Variants in AHCY observed in about 807,000 individuals in gnomAD.
The protein encoded by AHCY is adenosylhomocysteinase.
A neutral mutation model predicts 45.4 loss-of-function variants in AHCY; 24 were observed. That is an observed-to-expected ratio of 0.53 (90% CI 0.38 to 0.74). The LOEUF is 0.74. Ranked by LOEUF, AHCY falls within the 30% of genes least tolerant of loss-of-function variation. The pLI is 0.00. For missense variants in AHCY, 449 were observed against 594.1 expected (o/e 0.76, Z 2.54); for synonymous variants, 245 against 235.1 (o/e 1.04, Z -0.39).
rs2036496157 is a variant in AHCY, at chr20:34,294,145, G to A, written c.231C>T (p.Ser77=). 1.2e-6 allele frequency: 2 copies of A among 1,613,194 alleles called. No individual in the cohort carries two copies. Among genetic ancestry groups the A allele is most frequent in the African/African-American group, 2.7e-5 (2 of 74,908 alleles). ...LVTLGAEVQW[S]SCNIFSTQDH... is the part of the protein sequence containing the mutation. ...CCTGGGTGGAGAAGATGTTGCAGCT[G>A]GACCACTGCACCTAGAAGAGCCATC... The change falls in exon 3 of 10, where the codon TCC becomes TCT. Residue 77 remains serine (S), a synonymous_variant. Transcript: ENST00000217426.
chr20:34,235,786 GAAGAAAGAAAGAAAGAAAGA>G, the AHCY span, among the ~76,000 whole-genome samples: 23 of 61,392 alleles, frequency 3.7e-4, no homozygotes, highest in African/African-American at 5.9e-4. Context: ...CTCTGAGAAA[GAAGAAAGAAAGAAAGAAAGA>G]AAGAAAGAAA....
At chr20:34,247,747 C>G in the AHCY span, among the ~76,000 whole-genome samples, 1 of 152,088 alleles carries the variant, frequency 6.6e-6, no homozygotes, top group Non-Finnish European at 1.5e-5. Context: ...ATAGCTGAAA[C>G]TACCATGCCC....
the AHCY span, among the ~76,000 whole-genome samples, chr20:34,260,106 G>A: frequency 4.2e-4 from 64 of 151,682 alleles, no homozygotes; most frequent in Non-Finnish European, 6.5e-4. Context: ...GCAGAGACCA[G>A]TGCAATGCAT....
At chr20:34,310,516 A>G (rs1031143230) in intron 1 of AHCY, among the ~76,000 whole-genome samples, 3 of 152,228 alleles carry the variant, frequency 2.0e-5, no homozygotes, top group Non-Finnish European at 4.4e-5. Flanking sequence ...GGTAATAACT[A>G]ACAAGATTAC....
chr20:34,307,816 T>A (rs145194996), upstream of AHCY, among the ~76,000 whole-genome samples: 1 of 152,368 alleles, frequency 6.6e-6, no homozygotes, highest in Non-Finnish European at 1.5e-5. Context: ...ACTTTTATTT[T>A]AGTTCAGGGG....
At chr20:34,294,595 G>A (rs750627369) in intron 2 of AHCY, among the ~76,000 whole-genome samples, 9 of 152,114 alleles carry the variant, frequency 5.9e-5, no homozygotes, top group South Asian at 4.1e-4. Flanking sequence ...TCCCAGATTC[G>A]TGAATTGAGA....
At position 34,280,357 on chromosome 20, in the gene AHCY, A is replaced by C. The variant is rs1441854228; in HGVS notation, c.*677T>G. The C allele has an allele frequency of 6.6e-6, 1 of 152,644 alleles. No individual in the cohort carries two copies. The highest frequency in any genetic ancestry group is 1.5e-5 in the Non-Finnish European group (1 of 68,418). 9.5% of individuals were successfully genotyped at this position (152,644 alleles called of 1,614,324 possible). On this transcript the variant is annotated 3_prime_UTR_variant, in exon 10 of 10. Coordinates refer to ENST00000217426, the MANE Select transcript of AHCY (RefSeq NM_000687.4). ...ATTCTCTTTTTGACCCAGGGTTGTG[A>C]AAGGAACCATCTGGTTATAAAGTGG...
At chr20:34,306,611 C>G (rs1568820462), upstream of AHCY, among the ~76,000 whole-genome samples, 1 of 152,180 alleles carries the variant, frequency 6.6e-6, no homozygotes, top group African/African-American at 2.4e-5. Context: ...TCAAGTGATC[C>G]TCCCGCCTTG....
At chr20:34,299,109 T>C (rs1453182798) in intron 1 of AHCY, among the ~76,000 whole-genome samples, 1 of 151,614 alleles carries the variant, frequency 6.6e-6, no homozygotes, top group Non-Finnish European at 1.5e-5. Context: ...CCTTTTCTCT[T>C]GTCTCTTTGT....
the AHCY span, among the ~76,000 whole-genome samples, chr20:34,258,700 A>AC: frequency 9.0e-5 from 7 of 77,916 alleles, 1 homozygote; most frequent in East Asian, 1.0e-3. Context: ...TACATACTAT[A>AC]TATATATATT....
At chr20:34,267,481 AAAG>A in the AHCY span, among the ~76,000 whole-genome samples, 4 of 151,414 alleles carry the variant, frequency 2.6e-5, no homozygotes, top group South Asian at 2.1e-4. Flanking sequence ...AAAAAAAAAA[AAAG>A]AACTGTGATG....
intron 1 of AHCY, among the ~76,000 whole-genome samples, chr20:34,310,983 G>A (rs764159925): frequency 6.6e-6 from 1 of 152,036 alleles, no homozygotes; most frequent in South Asian, 2.1e-4. Context: ...AAAATTAGGC[G>A]GGCGTGGTGG....
chr20:34,295,568 C>A lies in AHCY; in HGVS notation c.46G>T (p.Ala16Ser), dbSNP rs1441177582. 3.1e-6 allele frequency: 5 copies of A among 1,614,014 alleles called. No individual in the cohort carries two copies. Among genetic ancestry groups the A allele is most frequent in the Admixed American group, 1.7e-5 (1 of 60,006 alleles). ...PYKVADIGLA[A>S]WGRKALDIAE... is the part of the protein sequence containing the mutation. ...ATGTCCAGGGCCTTGCGTCCCCAGG[C>A]AGCCAGGCCGATGTCGGCTACGGGA... is the stretch of plus-strand genomic sequence containing the variant. Residue 16 changes from alanine (A) to serine (S), a missense_variant, in exon 2 of 10, where the codon GCC becomes TCC. Coordinates refer to ENST00000217426, the MANE Select transcript of AHCY (RefSeq NM_000687.4).
the AHCY span, among the ~76,000 whole-genome samples, chr20:34,265,759 G>C: frequency 6.6e-6 from 1 of 151,726 alleles, no homozygotes; most frequent in Non-Finnish European, 1.5e-5. Context: ...AGACCAGTCT[G>C]ACCAACATGG....
chr20:34,286,021 C>T (rs2036172205), intron 8 of AHCY: 1 of 303,010 alleles, frequency 3.3e-6, no homozygotes, highest in Non-Finnish European at 6.4e-6. Flanking sequence ...AGGAGAATGG[C>T]GTGAACCTGG....
chr20:34,251,566 G>A, the AHCY span, among the ~76,000 whole-genome samples: 2 of 152,148 alleles, frequency 1.3e-5, no homozygotes, highest in Non-Finnish European at 2.9e-5. Context: ...GAGCCACCGC[G>A]CCTGACCTTC....
chr20:34,285,633 A>G lies in AHCY; in HGVS notation c.974T>C (p.Val325Ala). The G allele has an allele frequency of 1.2e-6, 2 of 1,612,912 alleles. No homozygotes were observed. Among genetic ancestry groups the G allele is most frequent in the Non-Finnish European group, 1.7e-6 (2 of 1,179,930 alleles). Residue 325 changes from valine (V) to alanine (A), a missense_variant and splice_region_variant, in exon 9 of 10, where the codon GTG (valine) becomes GCG (alanine). Val to Ala is a moderately conservative substitution (Grantham distance 64, BLOSUM62 0). Coordinates refer to ENST00000217426, the MANE Select transcript of AHCY (RefSeq NM_000687.4). ...CCCATTCTTCAACCGATACCGGTCC[A>G]CCTACACGCAGGCAGGGCAACAGTG... ...AVEKVNIKPQVDRYRLKNGRR... is the reference protein window; with the variant it reads ...AVEKVNIKPQADRYRLKNGRR...
the AHCY span, among the ~76,000 whole-genome samples, chr20:34,270,788 G>C: frequency 6.6e-6 from 1 of 152,172 alleles, no homozygotes; most frequent in African/African-American, 2.4e-5. Context: ...GGTTAGAACC[G>C]TTGTTAGCAT....
chr20:34,256,302 G>T, the AHCY span, among the ~76,000 whole-genome samples: 1 of 152,070 alleles, frequency 6.6e-6, no homozygotes, highest in South Asian at 2.1e-4. Flanking sequence ...AGGCATTCGG[G>T]GCCATTACTG....
Sources: allele counts gnomAD v4.1 joint callset (sites outside exome capture counted in the v4.1 genomes callset), GRCh38; gene constraint gnomAD v4.1.1; transcripts MANE v1.5; gene names NCBI Gene and HGNC (gene_info 2026-07-23, HGNC 2026-07-21).